Variants in AGAP1 observed in about 807,000 individuals in gnomAD.
AGAP1 encodes the protein ArfGAP with GTPase domain, ankyrin repeat and PH domain 1, also known as arf-GAP with GTPase, ANK repeat and PH domain-containing protein 1.
Under a neutral mutation model 105.3 loss-of-function variants are expected in AGAP1, and 29 were observed. That is an observed-to-expected ratio of 0.28 (90% CI 0.21 to 0.38). The LOEUF (loss-of-function observed/expected upper bound fraction) is 0.38. Ranked by LOEUF, AGAP1 falls within the 10% of genes least tolerant of loss-of-function variation. AGAP1 has a pLI of 1.00. For missense variants in AGAP1, 998 were observed against 1,165.1 expected, an observed-to-expected ratio of 0.86 and a Z score of 2.09; for synonymous variants, 509 against 485.9, an observed-to-expected ratio of 1.05 and a Z score of -0.63.
Position 235,610,538 on chromosome 2 carries a change from C to T in AGAP1, c.164-98641C>T, listed in dbSNP as rs1044412141. ...TCTCTTTTTCTAAGGGTGCTAATTC[C>T]ATCATGAGGGCCCCATCCTTATGAC... On this transcript the variant is annotated intron_variant, in intron 1 of 17. Coordinates refer to ENST00000304032, the MANE Select transcript of AGAP1 (RefSeq NM_001037131.3). This position sits in a 1 kb window ranked among gnomAD's most constrained non-coding sequence, Gnocchi z 4.9. Among the ~76,000 whole-genome samples the T allele has an allele frequency of 6.6e-6, 1 of 152,242 alleles. No individual in the cohort carries two copies. The highest frequency in any genetic ancestry group is 2.1e-4 in the South Asian group (1 of 4,820).
chr2:235,617,302 A>G (rs1946339303), intron 1 of AGAP1, among the ~76,000 whole-genome samples: 1 of 152,242 alleles, frequency 6.6e-6, no homozygotes, highest in Non-Finnish European at 1.5e-5. Context: ...TCTACAAACA[A>G]TTCTTGAAAA....
At chr2:235,775,300 A>G (rs1486983880) in intron 6 of AGAP1, among the ~76,000 whole-genome samples, 4 of 152,196 alleles carry the variant, frequency 2.6e-5, no homozygotes, top group African/African-American at 9.7e-5. Context: ...GCATCGGTAT[A>G]GCCTGTGTTT....
At position 235,612,990 on chromosome 2, in the gene AGAP1, A is replaced by G. The variant is rs1480145307; in HGVS notation, c.164-96189A>G. The stretch of plus-strand genomic sequence containing the variant: ...TCCCAGGTGAGGTTAGCAAATACGT[A>G]TAGATTGTAACAAGAGAATTTTGCA... On this transcript the variant is annotated intron_variant, in intron 1 of 17. Coordinates refer to ENST00000304032, the MANE Select transcript of AGAP1 (RefSeq NM_001037131.3). The surrounding 1 kb of genome is among the most constrained non-coding windows in gnomAD (Gnocchi z 4.3). Among the ~76,000 whole-genome samples, 1 of 150,844 alleles carries G rather than the reference A, an allele frequency of 6.6e-6. No individual in the cohort carries two copies. Among genetic ancestry groups the G allele is most frequent in the African/African-American group, 2.4e-5 (1 of 40,994 alleles).
At chr2:236,029,193 T>TTG (rs1553549920) in intron 13 of AGAP1, among the ~76,000 whole-genome samples, 14 of 151,722 alleles carry the variant, frequency 9.2e-5, no homozygotes, top group African/African-American at 2.7e-4. Flanking sequence ...GTTTTTTTTT[T>TTG]TTGTTTACAT....
chr2:235,894,421 C>T (rs1319613449), intron 10 of AGAP1, among the ~76,000 whole-genome samples: 1 of 152,182 alleles, frequency 6.6e-6, no homozygotes, highest in Non-Finnish European at 1.5e-5. Flanking sequence ...TCTGGCCCTT[C>T]AAGCCAGTGG....
At chr2:235,685,755 C>T (rs1385973354) in intron 1 of AGAP1, among the ~76,000 whole-genome samples, 1 of 152,014 alleles carries the variant, frequency 6.6e-6, no homozygotes, top group Non-Finnish European at 1.5e-5. Flanking sequence ...TGAGACGGGT[C>T]TCAGTTAATC....
chr2:235,500,461 C>G (rs1941515429), intron 1 of AGAP1, among the ~76,000 whole-genome samples: 1 of 152,220 alleles, frequency 6.6e-6, no homozygotes, highest in South Asian at 2.1e-4. Flanking sequence ...CTTCTGGAAG[C>G]ATAGCTGTAA....
intron 6 of AGAP1, among the ~76,000 whole-genome samples, chr2:235,790,815 A>G (rs530974022): frequency 6.6e-4 from 101 of 152,328 alleles, no homozygotes; most frequent in Non-Finnish European, 1.3e-3. Context: ...GGCCTCAAGC[A>G]TTTCCAGAAG....
rs541108376 is a variant in AGAP1 at position 235,806,473 on chromosome 2, C to T, written c.958-766C>T. ...CTTCAGTTTTACCCAAGTCAAGGTG[C>T]GCTTTTGGTTGGGGCTTCCCTGGGT... On this transcript the variant is annotated intron_variant, in intron 8 of 17. Coordinates refer to ENST00000304032, the MANE Select transcript of AGAP1 (RefSeq NM_001037131.3). Among the ~76,000 whole-genome samples the T allele has an allele frequency of 8.5e-5, 13 of 152,234 alleles. No homozygotes were observed. The South Asian group carries it at 1.9e-3, about 22-fold the overall frequency.
intron 1 of AGAP1, among the ~76,000 whole-genome samples, chr2:235,677,702 G>A (rs1301148238): frequency 1.3e-5 from 2 of 151,766 alleles, no homozygotes; most frequent in African/African-American, 4.8e-5. Flanking sequence ...GCCTGTCATT[G>A]CGAGGGTTTC....
chr2:235,713,301 C>T (rs1006980340), intron 2 of AGAP1, among the ~76,000 whole-genome samples: 3 of 152,152 alleles, frequency 2.0e-5, no homozygotes, highest in African/African-American at 7.2e-5. Flanking sequence ...TAGAAATTCT[C>T]CGATTATAGA....
At chr2:235,975,161 T>G (rs1041459884) in intron 13 of AGAP1, among the ~76,000 whole-genome samples, 1 of 152,210 alleles carries the variant, frequency 6.6e-6, no homozygotes, top group Non-Finnish European at 1.5e-5. Context: ...TAAACACCAG[T>G]GGTGGTGATT....
intron 9 of AGAP1, among the ~76,000 whole-genome samples, chr2:235,841,503 C>T (rs1001423): frequency 0.47 from 70,815 of 151,838 alleles, 19,085 homozygotes; most frequent in East Asian, 0.8. Context: ...GTGGTGTGCA[C>T]CTGTGGTCCC....
In AGAP1 at chr2:235,908,405, C is replaced by G. The variant is rs1369998337; in HGVS notation, c.1156-333C>G. On this transcript the variant is annotated intron_variant, in intron 10 of 17. Coordinates refer to ENST00000304032, the MANE Select transcript of AGAP1 (RefSeq NM_001037131.3). This position sits in a 1 kb window ranked among gnomAD's most constrained non-coding sequence, Gnocchi z 4.4. ...TTTACTTGGAATTTATAGGAGGAGC[C>G]TAATGTACCCTCTGATAAGCAAGAG... Among the ~76,000 whole-genome samples the G allele has an allele frequency of 6.6e-6, 1 of 152,088 alleles. No individual in the cohort carries two copies. Among genetic ancestry groups the G allele is most frequent in the Non-Finnish European group, 1.5e-5 (1 of 68,022 alleles).
intron 1 of AGAP1, among the ~76,000 whole-genome samples, chr2:235,563,544 G>C (rs1196623371): frequency 6.8e-6 from 1 of 146,846 alleles, no homozygotes; most frequent in African/African-American, 2.5e-5. Flanking sequence ...CAGTCAGACA[G>C]GAAGTTGTCG....
chr2:235,800,770 G>A (rs770035663), intron 8 of AGAP1, among the ~76,000 whole-genome samples: 10 of 152,318 alleles, frequency 6.6e-5, no homozygotes, highest in Admixed American at 1.3e-4. Context: ...ACGTCTAGTC[G>A]TGGGTAGCAA....
chr2:235,747,602 G>A lies in AGAP1; in HGVS notation c.539-2752G>A, dbSNP rs140868228. Reference sequence around the variant, plus strand: ...TATTCCTCACCTGCGGGATTCTCTTGGTCCTTCCCTAGACTTCAGGGAGCA... The same window carrying A: ...TATTCCTCACCTGCGGGATTCTCTTAGTCCTTCCCTAGACTTCAGGGAGCA... On this transcript the variant is annotated intron_variant, in intron 5 of 17. Transcript: ENST00000304032. The surrounding 1 kb of genome is among the most constrained non-coding windows in gnomAD (Gnocchi z 5.0). Among the ~76,000 whole-genome samples the A allele has an allele frequency of 2.1e-3, 317 of 152,138 alleles. No individual in the cohort carries two copies. Among genetic ancestry groups the A allele is most frequent in the African/African-American group, 7.3e-3 (302 of 41,568 alleles).
At chr2:235,686,339 G>C (rs1949378548) in intron 1 of AGAP1, among the ~76,000 whole-genome samples, 1 of 151,842 alleles carries the variant, frequency 6.6e-6, no homozygotes, top group African/African-American at 2.4e-5. Context: ...GATAGAATTT[G>C]TTCAGGAGAT....
At position 235,721,983 on chromosome 2, in the gene AGAP1, T is replaced by G. The variant is rs970296100; in HGVS notation, c.310+4339T>G. Among the ~76,000 whole-genome samples the G allele has an allele frequency of 1.3e-5, 2 of 152,180 alleles. No homozygotes were observed. The highest frequency in any genetic ancestry group is 4.8e-5 in the African/African-American group (2 of 41,438). ...CAGTGAAGAGAGCCAACTCACAGAT[T>G]TAGATGATTTTAAAGATGCAGTTCA... On this transcript the variant is annotated intron_variant, in intron 3 of 17. Transcript: ENST00000304032. The surrounding 1 kb of genome is among the most constrained non-coding windows in gnomAD (Gnocchi z 4.5).
Sources: allele counts gnomAD v4.1 joint callset (sites outside exome capture counted in the v4.1 genomes callset), GRCh38; gene constraint gnomAD v4.1.1; non-coding constraint Gnocchi (gnomAD v3.1); transcripts MANE v1.5; gene names NCBI Gene and HGNC (gene_info 2026-07-23, HGNC 2026-07-21).